Variants in KCNIP1 observed in about 807,000 individuals in gnomAD.
KCNIP1 encodes potassium voltage-gated channel interacting protein 1.
KCNIP1 carries 18 observed loss-of-function variants against 33.0 expected under a neutral mutation model. The ratio of observed to expected loss-of-function variants is 0.55; its 90% CI spans 0.38 to 0.81. The LOEUF is 0.81. KCNIP1 is among the 30% of genes least tolerant of loss of function. The probability of loss-of-function intolerance (pLI) is 0.00; values close to 1 mark genes in which losing one functional copy is unlikely to be tolerated. For missense variants in KCNIP1, 238 were observed against 271.6 expected (o/e 0.88, Z 0.87); for synonymous variants, 93 against 98.3 (o/e 0.95, Z 0.32).
intron 1 of KCNIP1, among the ~76,000 whole-genome samples, chr5:170,670,076 G>A (rs1561753802): frequency 6.6e-6 from 1 of 152,204 alleles, no homozygotes; most frequent in Non-Finnish European, 1.5e-5. Flanking sequence ...GTCTGGGCCA[G>A]ACTTCATCCC....
chr5:170,625,031 A>T (rs1468761688), intron 1 of KCNIP1, among the ~76,000 whole-genome samples: 1 of 151,980 alleles, frequency 6.6e-6, no homozygotes, highest in East Asian at 1.9e-4. Flanking sequence ...TTGCAGATGG[A>T]TGCCCTCGTG....
intron 1 of KCNIP1, among the ~76,000 whole-genome samples, chr5:170,437,977 T>A (rs560445096): frequency 6.6e-6 from 1 of 152,182 alleles, no homozygotes; most frequent in Non-Finnish European, 1.5e-5. Context: ...ATTCCTAGCC[T>A]TGGTCCCTCC....
At chr5:170,697,956 G>A (rs888910461) in intron 1 of KCNIP1, among the ~76,000 whole-genome samples, 3 of 152,008 alleles carry the variant, frequency 2.0e-5, no homozygotes, top group Admixed American at 1.3e-4. Flanking sequence ...CAAGCAGCAG[G>A]GATTTAATAA....
chr5:170,385,449 T>A, intron 1 of KCNIP1: 1 of 1,614,102 alleles, frequency 6.2e-7, no homozygotes. Flanking sequence ...CTTCACCATA[T>A]TCACTGGGGG....
At chr5:170,394,217 C>G (rs894084124) in intron 1 of KCNIP1, among the ~76,000 whole-genome samples, 5 of 152,252 alleles carry the variant, frequency 3.3e-5, no homozygotes, top group Admixed American at 3.3e-4. Context: ...CCCTTAGCCA[C>G]TCTCCGCGCC....
intron 1 of KCNIP1, among the ~76,000 whole-genome samples, chr5:170,615,389 G>A (rs540835231): frequency 2.0e-5 from 3 of 152,294 alleles, no homozygotes; most frequent in East Asian, 1.9e-4. Flanking sequence ...AGAAGCACAC[G>A]GAACGCAGAC....
chr5:170,725,651 C>G (rs1763982014), intron 5 of KCNIP1, among the ~76,000 whole-genome samples: 2 of 152,046 alleles, frequency 1.3e-5, no homozygotes, highest in South Asian at 4.1e-4. Context: ...AACATTTTAA[C>G]TAAAAGAGTG....
chr5:170,623,186 G>A (rs1759674336), intron 1 of KCNIP1, among the ~76,000 whole-genome samples: 1 of 151,672 alleles, frequency 6.6e-6, no homozygotes, highest in Admixed American at 6.6e-5. Flanking sequence ...CCCATCCGTG[G>A]CCCAGGGGAT....
intron 1 of KCNIP1, among the ~76,000 whole-genome samples, chr5:170,708,549 A>T (rs1483560663): frequency 6.6e-6 from 1 of 152,272 alleles, no homozygotes; most frequent in Non-Finnish European, 1.5e-5. Context: ...ATTATCATTT[A>T]GTTCAAAATT....
chr5:170,646,440 T>C (rs1038354816), intron 1 of KCNIP1, among the ~76,000 whole-genome samples: 3 of 152,110 alleles, frequency 2.0e-5, no homozygotes, highest in African/African-American at 4.8e-5. Context: ...GTCCAACATT[T>C]GAAAATCAGT....
At chr5:170,650,349 C>T (rs755164042) in intron 1 of KCNIP1, among the ~76,000 whole-genome samples, 20 of 152,044 alleles carry the variant, frequency 1.3e-4, no homozygotes, top group Non-Finnish European at 2.4e-4. Context: ...CCATCCCCCA[C>T]CTCAGGTAAC....
chr5:170,354,360 C>A (rs1311934664), intron 1 of KCNIP1, among the ~76,000 whole-genome samples: 1 of 152,166 alleles, frequency 6.6e-6, no homozygotes, highest in Admixed American at 6.5e-5. Context: ...AGTAATTCTG[C>A]AGAACAGAGA....
At chr5:170,458,694 A>C (rs1380209311) in intron 1 of KCNIP1, among the ~76,000 whole-genome samples, 1 of 152,234 alleles carries the variant, frequency 6.6e-6, no homozygotes, top group Non-Finnish European at 1.5e-5. Flanking sequence ...AACTACTAAA[A>C]GGAGCTCTAA....
chr5:170,450,371 C>G (rs1756220527), intron 1 of KCNIP1, among the ~76,000 whole-genome samples: 2 of 152,160 alleles, frequency 1.3e-5, no homozygotes, highest in Admixed American at 1.3e-4. Context: ...GCGGGTTGGA[C>G]CCCGCATCTA....
chr5:170,430,941 A>G (rs1251841550), intron 1 of KCNIP1, among the ~76,000 whole-genome samples: 4 of 152,186 alleles, frequency 2.6e-5, no homozygotes, highest in Non-Finnish European at 5.9e-5. Flanking sequence ...ACTTCCTGTC[A>G]TGGCTGGGAA....
chr5:170,716,857 C>T (rs1763660643), intron 1 of KCNIP1, among the ~76,000 whole-genome samples: 1 of 152,230 alleles, frequency 6.6e-6, no homozygotes, highest in African/African-American at 2.4e-5. Context: ...AAAAACCCTT[C>T]ATGCTTCTGG....
chr5:170,672,490 A>C (rs1350552526), intron 1 of KCNIP1, among the ~76,000 whole-genome samples: 3 of 152,270 alleles, frequency 2.0e-5, no homozygotes, highest in Admixed American at 2.0e-4. Context: ...AGTGTGGCTG[A>C]CCTTGCTTAT....
chr5:170,590,086 G>A (rs562056762), intron 1 of KCNIP1, among the ~76,000 whole-genome samples: 7 of 152,150 alleles, frequency 4.6e-5, no homozygotes, highest in South Asian at 4.1e-4. Flanking sequence ...GGAGCATAGC[G>A]CATGGCCGAT....
At chr5:170,457,021 T>C (rs750443209) in intron 1 of KCNIP1, among the ~76,000 whole-genome samples, 2 of 151,978 alleles carry the variant, frequency 1.3e-5, no homozygotes, top group Non-Finnish European at 2.9e-5. Flanking sequence ...TTTCAAAAGA[T>C]GAGCAAAAGT....
Sources: gnomAD v4.1 joint callset for allele counts (sites outside exome capture counted in the v4.1 genomes callset) on GRCh38, gnomAD v4.1.1 for gene constraint, MANE v1.5 for transcripts, NCBI Gene and HGNC (gene_info 2026-07-23, HGNC 2026-07-21) for gene names.